The following ATXN1 variants were observed in gnomAD, a reference collection of about 807,000 sequenced individuals.
ATXN1 encodes ataxin-1.
ATXN1 carries 8 observed loss-of-function variants against 56.4 expected under a neutral mutation model. The observed-to-expected ratio is 0.14, with a 90% CI of 0.08 to 0.26. The LOEUF (loss-of-function observed/expected upper bound fraction) is 0.26, where lower values mean the gene tolerates loss of function less well. Among genes scored for constraint, ATXN1 ranks in the 10% least tolerant of loss-of-function variants. The probability of loss-of-function intolerance (pLI) is 1.00; values close to 1 mark genes in which losing one functional copy is unlikely to be tolerated. For missense variants in ATXN1, 987 were observed against 1,106.5 expected (o/e 0.89, Z 1.53); for synonymous variants, 514 against 494.6 (o/e 1.04, Z -0.52).
At chr6:16,725,052 G>A (rs894072908) in intron 2 of ATXN1, among the ~76,000 whole-genome samples, 1 of 152,180 alleles carries the variant, frequency 6.6e-6, no homozygotes, top group Non-Finnish European at 1.5e-5. Context: ...CCATTTGAGA[G>A]AAGGCAGGTC....
At chr6:16,641,979 AAC>A (rs1424916060) in intron 3 of ATXN1, among the ~76,000 whole-genome samples, 1 of 152,188 alleles carries the variant, frequency 6.6e-6, no homozygotes, top group East Asian at 1.9e-4. Context: ...ATGAGGTGGA[AAC>A]AGCAAGAGAA....
In ATXN1 at chr6:16,306,258, T is replaced by A; in HGVS notation, c.*71A>T. On this transcript the variant is annotated 3_prime_UTR_variant, in exon 8 of 8. Coordinates refer to ENST00000436367, the MANE Select transcript of ATXN1 (RefSeq NM_001128164.2). The surrounding 1 kb of genome is among the most constrained non-coding windows in gnomAD (Gnocchi z 5.2). ...GATAACATGTAAATACTGTGTTATT[T>A]TAGCCTACAGTACAGTAATCTGGAT... 2.7e-6 allele frequency: 4 copies of A among 1,474,890 alleles called. No homozygotes were observed. The highest frequency in any genetic ancestry group is 3.6e-6 in the Non-Finnish European group (4 of 1,105,952). The allele number at this position is 1,474,890 out of a possible 1,614,324, so 91.4% of individuals were successfully genotyped here. A position where few individuals can be genotyped will look rare whatever the true frequency, so the allele number is the denominator to read the frequency against.
intron 6 of ATXN1, among the ~76,000 whole-genome samples, chr6:16,459,279 G>T (rs1346327397): frequency 1.3e-5 from 2 of 152,102 alleles, no homozygotes; most frequent in Admixed American, 1.3e-4. Flanking sequence ...GGACAATTCG[G>T]AAAGGCAAAA....
At chr6:16,503,167 T>C (rs1282721635) in intron 5 of ATXN1, among the ~76,000 whole-genome samples, 1 of 152,150 alleles carries the variant, frequency 6.6e-6, no homozygotes, top group African/African-American at 2.4e-5. Flanking sequence ...CACTATCTAG[T>C]TTTATCGGTT....
intron 6 of ATXN1, among the ~76,000 whole-genome samples, chr6:16,448,727 G>A (rs1759684230): frequency 1.3e-5 from 2 of 152,138 alleles, no homozygotes. Flanking sequence ...CACATACAGT[G>A]GAATTTGAAA....
chr6:16,603,424 C>T (rs914293566), intron 3 of ATXN1, among the ~76,000 whole-genome samples: 3 of 152,128 alleles, frequency 2.0e-5, no homozygotes, highest in Admixed American at 1.3e-4. Flanking sequence ...TAATAAAGTT[C>T]TCATGGGGAG....
At chr6:16,624,766 A>G (rs1763379567) in intron 3 of ATXN1, among the ~76,000 whole-genome samples, 1 of 152,208 alleles carries the variant, frequency 6.6e-6, no homozygotes, top group Admixed American at 6.5e-5. Flanking sequence ...CTGCAAAAAC[A>G]AGGGCTTAAA....
intron 5 of ATXN1, among the ~76,000 whole-genome samples, chr6:16,510,680 A>G (rs1761067780): frequency 6.6e-6 from 1 of 152,138 alleles, no homozygotes; most frequent in Admixed American, 6.5e-5. Flanking sequence ...TGAGGCTGCA[A>G]TGAGCTGTGA....
intron 2 of ATXN1, among the ~76,000 whole-genome samples, chr6:16,665,043 A>C (rs1399462865): frequency 2.6e-5 from 4 of 152,180 alleles, no homozygotes; most frequent in South Asian, 4.1e-4. Flanking sequence ...GCCTGGCTTA[A>C]TGGAAAATGG....
chr6:16,546,540 A>G lies in ATXN1; in HGVS notation c.-360-23852T>C, dbSNP rs74329810. Among the ~76,000 whole-genome samples the G allele has an allele frequency of 9.2e-3, 1,398 of 152,344 alleles. 25 individuals are homozygous for G. Among genetic ancestry groups the G allele is most frequent in the African/African-American group, 0.032 (1,337 of 41,570 alleles). ...AATTAACACAGAAAATGAGCATGACATTGGCTAGAAATCAGAAAATCCTGA... is the reference window on the plus strand; with the variant it reads ...AATTAACACAGAAAATGAGCATGACGTTGGCTAGAAATCAGAAAATCCTGA... On this transcript the variant is annotated intron_variant, in intron 4 of 7. Transcript: ENST00000436367.
In ATXN1 at chr6:16,708,388, C is replaced by T. The variant is rs977945477; in HGVS notation, c.-615+44845G>A. Among the ~76,000 whole-genome samples, 5 of 19,140 alleles carry T rather than the reference C, an allele frequency of 2.6e-4. No homozygotes were observed. The East Asian group carries it at 0.088, about 338-fold the overall frequency. 12.6% of individuals were successfully genotyped at this position (19,140 alleles called of 152,430 possible). On this transcript the variant is annotated intron_variant, in intron 2 of 7. Coordinates refer to ENST00000436367, the MANE Select transcript of ATXN1 (RefSeq NM_001128164.2). ...GGAAAAAAGGGAAGCTTAAAAATTC[C>T]CCACGTCTGTGAATTAAAATGTTTA... is the stretch of plus-strand genomic sequence containing the variant.
At chr6:16,494,322 T>C (rs191905551) in intron 5 of ATXN1, among the ~76,000 whole-genome samples, 26 of 152,318 alleles carry the variant, frequency 1.7e-4, no homozygotes, top group African/African-American at 5.5e-4. Context: ...CATTGTAAAA[T>C]TTCTTACAAA....
At chr6:16,574,565 G>A (rs1385682127) in intron 4 of ATXN1, among the ~76,000 whole-genome samples, 2 of 152,128 alleles carry the variant, frequency 1.3e-5, no homozygotes, top group African/African-American at 2.4e-5. Context: ...GTCTGGTCTC[G>A]ATCTCCTGAC....
intron 4 of ATXN1, among the ~76,000 whole-genome samples, chr6:16,543,444 G>A (rs1005122881): frequency 4.0e-5 from 6 of 151,638 alleles, no homozygotes; most frequent in East Asian, 1.9e-4. Context: ...ATCCTTTATC[G>A]GCTTGCACAT....
rs1037847502 is a variant in ATXN1 at position 16,745,231 on chromosome 6, C to T, written c.-615+8002G>A. 5.9e-5 allele frequency among the ~76,000 whole-genome samples: 9 copies of T among 152,306 alleles called. No homozygotes were observed. The South Asian group carries it at 1.7e-3, about 28-fold the overall frequency. Reference sequence around the variant, plus strand: ...TAGAAAGCAATTCAGAGCAAGCTCCCTCTAACTTAGTATTGAGCCTTCTGA... The same window carrying T: ...TAGAAAGCAATTCAGAGCAAGCTCCTTCTAACTTAGTATTGAGCCTTCTGA... On this transcript the variant is annotated intron_variant, in intron 2 of 7. Coordinates refer to ENST00000436367, the MANE Select transcript of ATXN1 (RefSeq NM_001128164.2).
chr6:16,456,637 A>C (rs1759881432), intron 6 of ATXN1, among the ~76,000 whole-genome samples: 1 of 152,112 alleles, frequency 6.6e-6, no homozygotes, highest in Non-Finnish European at 1.5e-5. Flanking sequence ...TCACCCATCT[A>C]TCCTATCTAT....
Position 16,705,413 on chromosome 6 carries a change from G to A in ATXN1, c.-614-47512C>T, listed in dbSNP as rs566850887. On this transcript the variant is annotated intron_variant, in intron 2 of 7. Transcript: ENST00000436367. ...TTCTTTCCCTGATCCAGTAAGTCAC[G>A]GAGGCCGTTCCTGAGATCCAGACCT... Among the ~76,000 whole-genome samples the A allele has an allele frequency of 1.9e-3, 288 of 152,164 alleles. 1 individual carries two copies. Among genetic ancestry groups the A allele is most frequent in the African/African-American group, 3.5e-3 (145 of 41,502 alleles).
chr6:16,603,118 T>C (rs1762941883), intron 3 of ATXN1, among the ~76,000 whole-genome samples: 1 of 152,148 alleles, frequency 6.6e-6, no homozygotes, highest in Non-Finnish European at 1.5e-5. Context: ...GCTAAGGGCC[T>C]CCTACCTAGA....
chr6:16,403,300 T>C (rs575191680), intron 6 of ATXN1, among the ~76,000 whole-genome samples: 1 of 152,322 alleles, frequency 6.6e-6, no homozygotes, highest in African/African-American at 2.4e-5. Flanking sequence ...GCTTCTCAGC[T>C]GACACATCAG....
Sources: allele counts gnomAD v4.1 joint callset (sites outside exome capture counted in the v4.1 genomes callset), GRCh38; gene constraint gnomAD v4.1.1; non-coding constraint Gnocchi (gnomAD v3.1); transcripts MANE v1.5; gene names NCBI Gene and HGNC (gene_info 2026-07-23, HGNC 2026-07-21).